Variants in AGPAT5 observed in about 807,000 individuals in gnomAD.
AGPAT5 encodes the protein 1-acyl-sn-glycerol-3-phosphate acyltransferase epsilon.
A neutral mutation model predicts 45.6 loss-of-function variants in AGPAT5; 46 were observed. That is an observed-to-expected ratio of 1.01 (90% CI 0.80 to 1.29). The LOEUF (loss-of-function observed/expected upper bound fraction) is 1.29, where lower values mean the gene tolerates loss of function less well. Ranked by LOEUF, AGPAT5 falls within the 50% of genes most tolerant of loss-of-function variation. AGPAT5 has a pLI of 0.00. For synonymous variants in AGPAT5, 272 were observed against 167.0 expected (o/e 1.63, Z -4.85); for missense variants, 673 against 450.7 (o/e 1.49, Z -4.47).
intron 6 of AGPAT5, among the ~76,000 whole-genome samples, chr8:6,754,205 T>C (rs1203430673): frequency 2.0e-5 from 3 of 152,218 alleles, no homozygotes; most frequent in Non-Finnish European, 4.4e-5. Flanking sequence ...CTCCGTTCTT[T>C]CTTGGAATAA....
intron 5 of AGPAT5, among the ~76,000 whole-genome samples, chr8:6,746,510 A>G (rs527677229): frequency 6.6e-6 from 1 of 152,252 alleles, no homozygotes; most frequent in South Asian, 2.1e-4. Flanking sequence ...ATAAAGTTGG[A>G]TGAGCTCCAG....
chr8:6,733,510 G>A (rs1372415910), intron 4 of AGPAT5, among the ~76,000 whole-genome samples: 2 of 152,184 alleles, frequency 1.3e-5, no homozygotes, highest in African/African-American at 4.8e-5. Flanking sequence ...TTTTGGGCAT[G>A]TGTTGGGTGA....
intron 5 of AGPAT5, among the ~76,000 whole-genome samples, chr8:6,744,580 G>C (rs1216948674): frequency 6.6e-6 from 1 of 152,068 alleles, no homozygotes; most frequent in Non-Finnish European, 1.5e-5. Flanking sequence ...GCTTGGTCTG[G>C]GATCCTGTGC....
intron 1 of AGPAT5, among the ~76,000 whole-genome samples, chr8:6,724,268 G>A (rs887690567): frequency 3.9e-5 from 6 of 152,080 alleles, no homozygotes; most frequent in Admixed American, 2.6e-4. Flanking sequence ...CCTCAGCCGC[G>A]ACACTGCCCA....
At position 6,741,747 on chromosome 8, in the gene AGPAT5, A is replaced by C. The variant is rs1281668931; in HGVS notation, c.582A>C (p.Gln194His). Reference sequence around the variant, plus strand: ...CAGCTAGTCAGGCATTTGCTGCCCAACGTGGTAAGTAAAAATTTGAGTGTT... The same window carrying C: ...CAGCTAGTCAGGCATTTGCTGCCCACCGTGGTAAGTAAAAATTTGAGTGTT... The part of the protein sequence containing the change: ...VLSASQAFAA[Q>H]RGLAVLKHVL... Residue 194 changes from glutamine (Q) to histidine (H), a missense_variant, in exon 5 of 8, where the codon CAA becomes CAC. Transcript: ENST00000285518. 1.2e-6 allele frequency: 2 copies of C among 1,610,196 alleles called. No homozygotes were observed. Among genetic ancestry groups the C allele is most frequent in the East Asian group, 4.5e-5 (2 of 44,792 alleles).
At chr8:6,714,864 T>C (rs1209061472) in intron 1 of AGPAT5, among the ~76,000 whole-genome samples, 1 of 152,252 alleles carries the variant, frequency 6.6e-6, no homozygotes, top group East Asian at 1.9e-4. Flanking sequence ...TAGTTTACTT[T>C]CCCTCTTTTG....
intron 1 of AGPAT5, among the ~76,000 whole-genome samples, chr8:6,713,271 C>T (rs778388703): frequency 6.6e-6 from 1 of 152,114 alleles, no homozygotes; most frequent in Non-Finnish European, 1.5e-5. Context: ...TGCCTAGCCC[C>T]TAATAAATAT....
At chr8:6,727,745 T>G (rs1448022124) in intron 2 of AGPAT5, among the ~76,000 whole-genome samples, 2 of 152,212 alleles carry the variant, frequency 1.3e-5, no homozygotes, top group East Asian at 3.8e-4. Flanking sequence ...ACTTTTCTTG[T>G]TGAACAGCAT....
chr8:6,723,537 A>G (rs1800579607), intron 1 of AGPAT5, among the ~76,000 whole-genome samples: 1 of 152,166 alleles, frequency 6.6e-6, no homozygotes, highest in Admixed American at 6.5e-5. Flanking sequence ...AAACTTTTAA[A>G]TCAGTGCATA....
intron 4 of AGPAT5, among the ~76,000 whole-genome samples, chr8:6,739,506 A>G (rs1419936800): frequency 6.6e-6 from 1 of 152,108 alleles, no homozygotes; most frequent in African/African-American, 2.4e-5. Flanking sequence ...CTTTTGCCAG[A>G]TATATCCCTA....
intron 6 of AGPAT5, among the ~76,000 whole-genome samples, chr8:6,751,615 A>G (rs1266491151): frequency 6.6e-6 from 1 of 152,238 alleles, no homozygotes; most frequent in Admixed American, 6.5e-5. Flanking sequence ...GTATAAATCA[A>G]AGCCCACCTG....
intron 6 of AGPAT5, among the ~76,000 whole-genome samples, chr8:6,750,149 G>A (rs1024204489): frequency 6.6e-6 from 1 of 152,232 alleles, no homozygotes; most frequent in Non-Finnish European, 1.5e-5. Flanking sequence ...ATAGCACTGT[G>A]CCTTCTCCTG....
chr8:6,757,451 A>C lies in AGPAT5; in HGVS notation c.*63A>C. ...TGTCTATTTTTGGCGGCTGCACATG[A>C]CATCAAATTGTTTCCTGAATTTATT... On this transcript the variant is annotated 3_prime_UTR_variant, in exon 8 of 8. Transcript: ENST00000285518. The C allele has an allele frequency of 7.9e-7, 1 of 1,272,064 alleles. No homozygotes were observed. The highest frequency in any genetic ancestry group is 1.1e-6 in the Non-Finnish European group (1 of 880,942). 78.8% of individuals were successfully genotyped at this position (1,272,064 alleles called of 1,614,324 possible).
intron 5 of AGPAT5, among the ~76,000 whole-genome samples, chr8:6,743,091 T>C (rs1210239725): frequency 6.6e-6 from 1 of 152,236 alleles, no homozygotes; most frequent in Non-Finnish European, 1.5e-5. Flanking sequence ...ATTCTCTCCC[T>C]AGACTTCTGT....
At chr8:6,711,500 T>C (rs1250238547) in intron 1 of AGPAT5, among the ~76,000 whole-genome samples, 1 of 152,222 alleles carries the variant, frequency 6.6e-6, no homozygotes, top group African/African-American at 2.4e-5. Context: ...AATAAGAATT[T>C]TATAAGCTTT....
chr8:6,722,484 A>T (rs1800536100), intron 1 of AGPAT5, among the ~76,000 whole-genome samples: 1 of 152,244 alleles, frequency 6.6e-6, no homozygotes, highest in South Asian at 2.1e-4. Flanking sequence ...ATATTTTTTA[A>T]CAAAGAATGC....
At chr8:6,736,163 G>C (rs1173900775) in intron 4 of AGPAT5, among the ~76,000 whole-genome samples, 3 of 152,002 alleles carry the variant, frequency 2.0e-5, no homozygotes, top group African/African-American at 7.3e-5. Context: ...TCTTCATCTA[G>C]CTTTAACATC....
At position 6,730,760 on chromosome 8, in the gene AGPAT5, A is replaced by G. The variant is rs1800835744; in HGVS notation, c.339A>G (p.Gly113=). Residue 113 remains glycine (G), a synonymous_variant, in exon 3 of 8, where the codon GGA becomes GGG. Coordinates refer to ENST00000285518, the MANE Select transcript of AGPAT5 (RefSeq NM_018361.5). ...DILAIRQNAL[G]HVRYVLKEGL... ...TGGCCATCAGGCAGAATGCGCTAGGACATGTGCGCTACGTGCTGAAAGAAG... is the reference window on the plus strand; with the variant it reads ...TGGCCATCAGGCAGAATGCGCTAGGGCATGTGCGCTACGTGCTGAAAGAAG... 5.0e-6 allele frequency: 8 copies of G among 1,613,538 alleles called. No homozygotes were observed. The highest frequency in any genetic ancestry group is 6.8e-6 in the Non-Finnish European group (8 of 1,179,686).
At chr8:6,734,263 T>C (rs1341358456) in intron 4 of AGPAT5, among the ~76,000 whole-genome samples, 6 of 152,144 alleles carry the variant, frequency 3.9e-5, no homozygotes, top group Admixed American at 3.9e-4. Context: ...GTTGGTTTTT[T>C]TTTTAATTTT....
Sources: allele counts gnomAD v4.1 joint callset (sites outside exome capture counted in the v4.1 genomes callset), GRCh38; gene constraint gnomAD v4.1.1; transcripts MANE v1.5; gene names NCBI Gene and HGNC (gene_info 2026-07-23, HGNC 2026-07-21).